CDK2AP1: variants seen among roughly 807,000 people sequenced by gnomAD.
CDK2AP1 encodes the protein cyclin dependent kinase 2 associated protein 1, also known as cyclin-dependent kinase 2-associated protein 1.
Under a neutral mutation model 14.1 loss-of-function variants are expected in CDK2AP1, and 10 were observed. That is an observed-to-expected ratio of 0.71 (90% CI 0.44 to 1.20). CDK2AP1 has a LOEUF of 1.20. CDK2AP1 is among the 50% of genes most tolerant of loss of function. CDK2AP1 has a pLI of 0.00. For missense variants in CDK2AP1, 102 were observed against 149.9 expected (o/e 0.68, Z 1.67); for synonymous variants, 59 against 59.8 (o/e 0.99, Z 0.06).
chr12:123,268,391 T>C, intron 1 of CDK2AP1: 1 of 198,986 alleles, frequency 5.0e-6, no homozygotes, highest in Non-Finnish European at 9.0e-6. Flanking sequence ...TGGAGAACCC[T>C]GGCTCCAGGC....
chr12:123,269,481 A>T (rs567218612), intron 1 of CDK2AP1, among the ~76,000 whole-genome samples: 3 of 152,214 alleles, frequency 2.0e-5, no homozygotes, highest in Non-Finnish European at 4.4e-5. Context: ...CTGCAGACAC[A>T]GGGACCAGGA....
At chr12:123,267,579 C>G (rs753561024) in intron 1 of CDK2AP1, 7 of 358,224 alleles carry the variant, frequency 2.0e-5, no homozygotes, top group Non-Finnish European at 3.8e-5. Flanking sequence ...TATTGCCACT[C>G]CTGGCCTGAA....
At chr12:123,271,429 G>T in intron 1 of CDK2AP1, 135 bp downstream of exon 1, 1 of 292,552 alleles carries the variant, frequency 3.4e-6, no homozygotes, top group Non-Finnish European at 5.0e-6. Flanking sequence ...GGCGGCGGCA[G>T]CGCTGCCCCG....
At chr12:123,263,685 A>G (rs1025202289) in intron 3 of CDK2AP1, among the ~76,000 whole-genome samples, 1 of 152,100 alleles carries the variant, frequency 6.6e-6, no homozygotes. Context: ...CCTCTTCACA[A>G]AGGTTTCATA....
intron 1 of CDK2AP1, chr12:123,270,992 G>A (rs1460800310): frequency 5.0e-5 from 49 of 983,084 alleles, no homozygotes; most frequent in Non-Finnish European, 5.8e-5. Context: ...CCCCATCCTG[G>A]TCCCAGTCCC....
chr12:123,269,891 G>A lies in CDK2AP1; in HGVS notation c.55+1673C>T, dbSNP rs576033165. 3.0e-4 allele frequency among the ~76,000 whole-genome samples: 46 copies of A among 152,300 alleles called. 1 individual carries two copies. The highest frequency in any genetic ancestry group is 1.7e-3 in the Admixed American group (26 of 15,298). ...GGGTTCTGCAAAGGGGCCCGTGGGGGGTTGGGAGGGGCACCAAAAAGCCCA... is the reference window on the plus strand; with the variant it reads ...GGGTTCTGCAAAGGGGCCCGTGGGGAGTTGGGAGGGGCACCAAAAAGCCCA... On this transcript the variant is annotated intron_variant, in intron 1 of 3. Transcript: ENST00000261692.
rs749435329 is a variant in CDK2AP1, at chr12:123,267,239, T to A, written c.99A>T (p.Ser33=). 6.2e-7 allele frequency: 1 copy of A among 1,613,582 alleles called. No homozygotes were observed. The highest frequency in any genetic ancestry group is 1.1e-5 in the South Asian group (1 of 91,070). The stretch of plus-strand genomic sequence containing the variant: ...AGTCACTGAGCAGCTGGCGGTACTG[T>A]GAAGACGTTGCCATGCTGGTGGAAG... The part of the protein sequence containing the change: ...HSPSTSMATS[S]QYRQLLSDYG... Residue 33 remains serine, a synonymous_variant, in exon 2 of 4, where the codon TCA becomes TCT. Coordinates refer to ENST00000261692, the MANE Select transcript of CDK2AP1 (RefSeq NM_004642.4).
chr12:123,265,167 C>T lies in CDK2AP1; in HGVS notation c.280+29G>A. On this transcript the variant is annotated intron_variant, in intron 3 of 3. Transcript: ENST00000261692. This position sits in a 1 kb window ranked among gnomAD's most constrained non-coding sequence, Gnocchi z 5.3. ...AGAGTTAAAGGTCTAGCACTGTGGT[C>T]ACCGACAGGGCAGCGGGGCCGGGCT... 6.2e-7 allele frequency: 1 copy of T among 1,613,890 alleles called. No homozygotes were observed. The highest frequency in any genetic ancestry group is 2.2e-5 in the East Asian group (1 of 44,876).
At chr12:123,269,986 C>T (rs977406926) in intron 1 of CDK2AP1, among the ~76,000 whole-genome samples, 2 of 152,162 alleles carry the variant, frequency 1.3e-5, no homozygotes, top group Non-Finnish European at 2.9e-5. Flanking sequence ...CAGGTCCAGC[C>T]AGCCCAGAAC....
chr12:123,270,395 G>T (rs1240860034), intron 1 of CDK2AP1, among the ~76,000 whole-genome samples: 1 of 151,984 alleles, frequency 6.6e-6, no homozygotes, highest in Non-Finnish European at 1.5e-5. Context: ...CTTCCGATTT[G>T]GGGGGTTACG....
intron 2 of CDK2AP1, among the ~76,000 whole-genome samples, chr12:123,266,576 G>A (rs1482670261): frequency 2.6e-5 from 4 of 152,240 alleles, no homozygotes; most frequent in South Asian, 4.1e-4. Flanking sequence ...AGATGGTGGC[G>A]GCCCCATTCC....
intron 3 of CDK2AP1, among the ~76,000 whole-genome samples, chr12:123,263,455 T>C (rs1045716028): frequency 1.3e-5 from 2 of 152,126 alleles, no homozygotes; most frequent in Non-Finnish European, 2.9e-5. Flanking sequence ...AACCAGTGCC[T>C]TTTCTGGGTG....
chr12:123,271,573 G>GGGC lies in CDK2AP1; in HGVS notation c.43_45dup (p.Ala15dup), dbSNP rs1185424472. The GGGC allele has an allele frequency of 2.0e-6, 2 of 1,009,506 alleles. No individual in the cohort carries two copies. The highest frequency in any genetic ancestry group is 3.5e-5 in the African/African-American group (2 of 57,278). The allele number at this position is 1,009,506 out of a possible 1,614,324, so 62.5% of individuals were successfully genotyped here. On this transcript the variant is annotated inframe_insertion, in exon 1 of 4. Coordinates refer to ENST00000261692, the MANE Select transcript of CDK2AP1 (RefSeq NM_004642.4). The stretch of plus-strand genomic sequence containing the variant: ...CACGCGGCTCACTCACCGGCGTTGA[G>GGGC]GGCGGCGGCGGGCATGTGCGCGGCC...
rs866585401 is a variant in CDK2AP1, at chr12:123,271,576, C to T, written c.43G>A (p.Ala15Thr). 1 of 1,009,638 alleles carries T rather than the reference C, an allele frequency of 9.9e-7. No individual in the cohort carries two copies. Among genetic ancestry groups the T allele is most frequent in the Non-Finnish European group, 1.2e-6 (1 of 846,342 alleles). The allele number at this position is 1,009,638 out of a possible 1,614,324, so 62.5% of individuals were successfully genotyped here. A position where few individuals can be genotyped will look rare whatever the true frequency, so the allele number is the denominator to read the frequency against. Residue 15 changes from alanine (A) to threonine (T), a missense_variant, in exon 1 of 4, where the codon GCC (alanine) becomes ACC (threonine). Physicochemically the swap from Ala to Thr is moderately conservative, Grantham distance 58. Coordinates refer to ENST00000261692, the MANE Select transcript of CDK2AP1 (RefSeq NM_004642.4). ...PNLAAHMPAAALNAAGSVHSP... is the reference protein window; with the variant it reads ...PNLAAHMPAATLNAAGSVHSP... The stretch of plus-strand genomic sequence containing the variant: ...GCGGCTCACTCACCGGCGTTGAGGG[C>T]GGCGGCGGGCATGTGCGCGGCCAAG...
intron 3 of CDK2AP1, among the ~76,000 whole-genome samples, chr12:123,262,769 T>C (rs1383630793): frequency 6.6e-6 from 1 of 151,970 alleles, no homozygotes; most frequent in Non-Finnish European, 1.5e-5. Context: ...GAGATGGGAG[T>C]TTCACTATGT....
chr12:123,264,462 C>CAAAAAAAA (rs1167157405), intron 3 of CDK2AP1, among the ~76,000 whole-genome samples: 862 of 69,766 alleles, frequency 0.012, 48 homozygotes, highest in Admixed American at 0.015. Context: ...CTCCGTCTCC[C>CAAAAAAAA]AAAAAAAAAA....
chr12:123,266,063 A>ACAAGCCCG (rs1216716792), intron 2 of CDK2AP1, among the ~76,000 whole-genome samples: 1 of 151,888 alleles, frequency 6.6e-6, no homozygotes, highest in Non-Finnish European at 1.5e-5. Context: ...CGGCAAGCCC[A>ACAAGCCCG]CAAGCCCGCA....
At chr12:123,264,290 C>G (rs1311611875) in intron 3 of CDK2AP1, among the ~76,000 whole-genome samples, 1 of 151,840 alleles carries the variant, frequency 6.6e-6, no homozygotes, top group Non-Finnish European at 1.5e-5. Flanking sequence ...GAAACCCTGT[C>G]TCTACTAAAA....
intron 1 of CDK2AP1, among the ~76,000 whole-genome samples, chr12:123,269,456 C>T (rs961741305): frequency 1.3e-5 from 2 of 152,200 alleles, no homozygotes; most frequent in East Asian, 1.9e-4. Context: ...GAGTTCCACT[C>T]CTGGTCACTC....
Sources: gnomAD v4.1 joint callset for allele counts (sites outside exome capture counted in the v4.1 genomes callset) on GRCh38, gnomAD v4.1.1 for gene constraint, Gnocchi (gnomAD v3.1) non-coding constraint, MANE v1.5 for transcripts, NCBI Gene and HGNC (gene_info 2026-07-23, HGNC 2026-07-21) for gene names.